Variants in DGKG observed in about 807,000 individuals in gnomAD.
The protein encoded by DGKG is DAG kinase gamma.
A neutral mutation model predicts 105.3 loss-of-function variants in DGKG; 78 were observed. The ratio of observed to expected loss-of-function variants is 0.74; its 90% confidence interval spans 0.62 to 0.89. The LOEUF (loss-of-function observed/expected upper bound fraction) is 0.89, where lower values mean the gene tolerates loss of function less well. Ranked by LOEUF, DGKG falls within the 40% of genes least tolerant of loss-of-function variation. DGKG has a pLI of 0.00. For missense variants in DGKG, 958 were observed against 1,020.1 expected, an observed-to-expected ratio of 0.94 and a Z score of 0.83; for synonymous variants, 346 against 367.1, an observed-to-expected ratio of 0.94 and a Z score of 0.66.
intron 19 of DGKG, 145 bp downstream of exon 19, chr3:186,251,614 A>G: frequency 1.2e-6 from 1 of 830,998 alleles, no homozygotes; most frequent in Non-Finnish European, 1.9e-6. Context: ...ACTCAGGCCA[A>G]GTTTCAGAAT....
At chr3:186,330,113 G>A (rs76372390) in intron 1 of DGKG, among the ~76,000 whole-genome samples, 2,554 of 152,240 alleles carry the variant, frequency 0.017, 101 homozygotes, top group East Asian at 0.073. Flanking sequence ...AATTCAAGAA[G>A]AACAGAAGAT....
chr3:186,212,881 C>A (rs1282597044), intron 20 of DGKG, among the ~76,000 whole-genome samples: 2 of 152,174 alleles, frequency 1.3e-5, no homozygotes, highest in African/African-American at 4.8e-5. Context: ...GAGAGGATGC[C>A]ACCTTGCATG....
At chr3:186,192,172 C>T (rs1033033583) in intron 21 of DGKG, among the ~76,000 whole-genome samples, 7 of 152,206 alleles carry the variant, frequency 4.6e-5, no homozygotes, top group Admixed American at 3.9e-4. Context: ...CCACGCCCAG[C>T]TAATTTTTTT....
intron 1 of DGKG, among the ~76,000 whole-genome samples, chr3:186,321,646 G>A (rs1233434652): frequency 6.6e-6 from 1 of 152,234 alleles, no homozygotes. Context: ...TGCAAGGCAA[G>A]TCTGGGGTTC....
In DGKG at chr3:186,267,781, G is replaced by T; in HGVS notation, c.1117-4C>A. Reference sequence around the variant, plus strand: ...ATAATTCACATTTGCGGTGAAACTGGGGGGAGAAATGAAAAAGAGAGTGAG... The same window carrying T: ...ATAATTCACATTTGCGGTGAAACTGTGGGGAGAAATGAAAAAGAGAGTGAG... On this transcript the variant is annotated splice_region_variant and splice_polypyrimidine_tract_variant and intron_variant, in intron 12 of 24. Coordinates refer to ENST00000265022, the MANE Select transcript of DGKG (RefSeq NM_001346.3). 2 of 1,613,452 alleles carry T rather than the reference G, an allele frequency of 1.2e-6. No homozygotes were observed. Among genetic ancestry groups the T allele is most frequent in the Non-Finnish European group, 1.7e-6 (2 of 1,179,458 alleles).
intron 22 of DGKG, 41 bp downstream of exon 22, chr3:186,188,161 T>C: frequency 6.2e-7 from 1 of 1,608,956 alleles, no homozygotes; most frequent in Non-Finnish European, 8.5e-7. Flanking sequence ...CACCTACTAC[T>C]GGGCATTGAC....
intron 20 of DGKG, among the ~76,000 whole-genome samples, chr3:186,225,227 A>G: frequency 6.6e-6 from 1 of 152,016 alleles, no homozygotes; most frequent in African/African-American, 2.4e-5. Flanking sequence ...TCAGCTTCGC[A>G]AAGTGTAGGG....
chr3:186,278,419 TG>T (rs1722682578), intron 9 of DGKG, among the ~76,000 whole-genome samples: 2 of 152,226 alleles, frequency 1.3e-5, no homozygotes, highest in South Asian at 4.2e-4. Context: ...AAGGGATCAT[TG>T]GGTGAGAGGC....
chr3:186,324,886 C>T (rs1725261366), intron 1 of DGKG, among the ~76,000 whole-genome samples: 1 of 152,232 alleles, frequency 6.6e-6, no homozygotes, highest in African/African-American at 2.4e-5. Flanking sequence ...GACACGTGCA[C>T]TCATATGTTC....
At chr3:186,283,683 A>T (rs1254130354) in intron 7 of DGKG, among the ~76,000 whole-genome samples, 5 of 152,248 alleles carry the variant, frequency 3.3e-5, no homozygotes, top group Non-Finnish European at 7.3e-5. Context: ...CTCAGTGCTT[A>T]GAAGAGTGCC....
chr3:186,334,034 C>T (rs548565850), intron 1 of DGKG, among the ~76,000 whole-genome samples: 2 of 152,284 alleles, frequency 1.3e-5, no homozygotes, highest in East Asian at 1.9e-4. Flanking sequence ...TCTCCCTCCC[C>T]TCTCTCTTCT....
chr3:186,301,434 T>G (rs1444874898), intron 3 of DGKG, among the ~76,000 whole-genome samples: 1 of 152,208 alleles, frequency 6.6e-6, no homozygotes, highest in Non-Finnish European at 1.5e-5. Flanking sequence ...GAGACCATCC[T>G]GGCTAACATG....
chr3:186,278,181 C>T (rs772999783), intron 9 of DGKG, among the ~76,000 whole-genome samples: 1 of 151,982 alleles, frequency 6.6e-6, no homozygotes, highest in African/African-American at 2.4e-5. Context: ...GTATTTTGAA[C>T]CTCAGCAAGT....
intron 17 of DGKG, among the ~76,000 whole-genome samples, chr3:186,254,686 T>A (rs1247984214): frequency 6.6e-6 from 1 of 151,986 alleles, no homozygotes; most frequent in Non-Finnish European, 1.5e-5. Flanking sequence ...GATGCCTGAG[T>A]GCAGGTATGA....
At chr3:186,347,104 A>G (rs1440525448) in intron 1 of DGKG, among the ~76,000 whole-genome samples, 1 of 152,018 alleles carries the variant, frequency 6.6e-6, no homozygotes, top group East Asian at 1.9e-4. Flanking sequence ...TGTTTAAAAC[A>G]GCATATATTT....
intron 1 of DGKG, among the ~76,000 whole-genome samples, chr3:186,330,615 C>T (rs780518177): frequency 7.9e-5 from 12 of 152,244 alleles, no homozygotes; most frequent in South Asian, 2.1e-4. Flanking sequence ...GGAGAGGCCA[C>T]GTGGATGAAG....
At chr3:186,192,174 A>G (rs1717941164) in intron 21 of DGKG, among the ~76,000 whole-genome samples, 1 of 151,978 alleles carries the variant, frequency 6.6e-6, no homozygotes, top group Admixed American at 6.6e-5. Flanking sequence ...ACGCCCAGCT[A>G]ATTTTTTTTC....
chr3:186,315,851 G>A (rs1724793910), intron 2 of DGKG, among the ~76,000 whole-genome samples: 3 of 152,168 alleles, frequency 2.0e-5, no homozygotes, highest in Admixed American at 2.0e-4. Context: ...TTCACTGAAT[G>A]TGAGCCAGGC....
chr3:186,303,920 T>C (rs1724096749), intron 3 of DGKG, among the ~76,000 whole-genome samples: 1 of 152,204 alleles, frequency 6.6e-6, no homozygotes, highest in Non-Finnish European at 1.5e-5. Flanking sequence ...CAAGAGAAAT[T>C]AAACCCTTCT....
Sources: allele counts gnomAD v4.1 joint callset (sites outside exome capture counted in the v4.1 genomes callset), GRCh38; gene constraint gnomAD v4.1.1; transcripts MANE v1.5; gene names NCBI Gene and HGNC (gene_info 2026-07-23, HGNC 2026-07-21).